Variants in DCAF1 observed in about 807,000 individuals in gnomAD.
DCAF1 encodes DDB1- and CUL4-associated factor 1.
DCAF1 carries 15 observed loss-of-function variants against 128.0 expected under a neutral mutation model. That is an observed-to-expected ratio of 0.12 (90% CI 0.08 to 0.18). DCAF1 has a LOEUF of 0.18. Among genes scored for constraint, DCAF1 ranks in the 10% least tolerant of loss-of-function variants. DCAF1 has a pLI of 1.00. For missense variants in DCAF1, 988 were observed against 1,649.5 expected, an observed-to-expected ratio of 0.60 and a Z score of 6.95; for synonymous variants, 610 against 603.0, an observed-to-expected ratio of 1.01 and a Z score of -0.17.
chr3:51,405,706 C>A (rs2090055118), intron 23 of DCAF1, among the ~76,000 whole-genome samples: 1 of 152,176 alleles, frequency 6.6e-6, no homozygotes, highest in African/African-American at 2.4e-5. Context: ...CAAGACTCAT[C>A]CAAAATGCTG....
At chr3:51,495,673 G>C (rs1473785230) in intron 2 of DCAF1, among the ~76,000 whole-genome samples, 1 of 150,572 alleles carries the variant, frequency 6.6e-6, no homozygotes, top group Non-Finnish European at 1.5e-5. Context: ...TGGGCAGATC[G>C]CTTGAGCCCA....
rs1553629534 is a variant in DCAF1, at chr3:51,414,053, G to A, written c.3838-10C>T. 2 of 1,589,062 alleles carry A rather than the reference G, an allele frequency of 1.3e-6. No homozygotes were observed. The highest frequency in any genetic ancestry group is 3.6e-5 in the Admixed American group (2 of 55,186). On this transcript the variant is annotated splice_polypyrimidine_tract_variant and intron_variant, in intron 19 of 24. Coordinates refer to ENST00000684031, the MANE Select transcript of DCAF1 (RefSeq NM_001387579.1). ...AAGTTCGAAGGTCCCACTAGGAGGG[G>A]AATGGTCAAGGAAAACTATTTTACA...
intron 13 of DCAF1, among the ~76,000 whole-genome samples, chr3:51,422,988 T>C (rs1476623633): frequency 3.3e-5 from 5 of 151,634 alleles, no homozygotes; most frequent in African/African-American, 1.2e-4. Context: ...GGATCACCTA[T>C]GCCCAGGAAG....
chr3:51,429,208 A>G, intron 12 of DCAF1, 53 bp downstream of exon 12: 1 of 717,152 alleles, frequency 1.4e-6, no homozygotes, highest in East Asian at 2.7e-5. Flanking sequence ...CAGGACTGAG[A>G]TGCTACAGAG....
At chr3:51,426,793 T>C (rs1553634148) in intron 13 of DCAF1, among the ~76,000 whole-genome samples, 1 of 152,100 alleles carries the variant, frequency 6.6e-6, no homozygotes, top group Non-Finnish European at 1.5e-5. Context: ...TATAAACTTT[T>C]TTACTATCTT....
At chr3:51,437,087 A>G (rs1271287255) in intron 9 of DCAF1, among the ~76,000 whole-genome samples, 2 of 151,782 alleles carry the variant, frequency 1.3e-5, no homozygotes, top group Non-Finnish European at 2.9e-5. Flanking sequence ...ATATGGTGAA[A>G]CCCTGTCTCC....
intron 7 of DCAF1, among the ~76,000 whole-genome samples, chr3:51,443,136 A>C (rs574708021): frequency 9.6e-4 from 146 of 152,320 alleles, no homozygotes; most frequent in African/African-American, 3.3e-3. Context: ...AAGTGTTCAC[A>C]ATCAATTTAG....
intron 1 of DCAF1, among the ~76,000 whole-genome samples, chr3:51,498,685 C>T (rs1044732257): frequency 1.3e-5 from 2 of 152,186 alleles, no homozygotes; most frequent in African/African-American, 4.8e-5. Context: ...CCCTACATTC[C>T]CCAAATTCTC....
intron 4 of DCAF1, among the ~76,000 whole-genome samples, chr3:51,468,645 G>C (rs1201265121): frequency 6.6e-6 from 1 of 151,954 alleles, no homozygotes; most frequent in African/African-American, 2.4e-5. Flanking sequence ...CAAAAAGAAA[G>C]AAACATCAGA....
chr3:51,416,739 A>C, intron 18 of DCAF1, 48 bp downstream of exon 18: 1 of 1,569,458 alleles, frequency 6.4e-7, no homozygotes, highest in Non-Finnish European at 8.7e-7. Context: ...TTTCAGTATG[A>C]ACAAATGGGT....
chr3:51,448,662 A>C (rs1702089039), intron 6 of DCAF1, among the ~76,000 whole-genome samples: 1 of 152,234 alleles, frequency 6.6e-6, no homozygotes, highest in Non-Finnish European at 1.5e-5. Context: ...GACTAAGTAC[A>C]TTCAAAATGT....
At chr3:51,461,432 G>C (rs1331602028) in intron 6 of DCAF1, among the ~76,000 whole-genome samples, 1 of 152,216 alleles carries the variant, frequency 6.6e-6, no homozygotes, top group South Asian at 2.1e-4. Context: ...GAGAGGATGC[G>C]GAGAAATAGG....
intron 6 of DCAF1, among the ~76,000 whole-genome samples, chr3:51,449,271 A>C (rs1702144850): frequency 6.6e-6 from 1 of 152,258 alleles, no homozygotes; most frequent in African/African-American, 2.4e-5. Flanking sequence ...GCAATGGCAC[A>C]ATCTTGGCTC....
chr3:51,499,563 C>T (rs1021270672), intron 1 of DCAF1, among the ~76,000 whole-genome samples: 13 of 152,074 alleles, frequency 8.5e-5, no homozygotes, highest in Admixed American at 2.0e-4. Flanking sequence ...ATGCGCCCCT[C>T]CTCCAGGTAG....
intron 6 of DCAF1, among the ~76,000 whole-genome samples, chr3:51,457,820 A>C (rs1259055374): frequency 6.6e-6 from 1 of 152,226 alleles, no homozygotes; most frequent in Non-Finnish European, 1.5e-5. Flanking sequence ...ACTACGCTTC[A>C]TAAGTGAAGG....
At chr3:51,470,074 A>G (rs2108196260) in intron 4 of DCAF1, among the ~76,000 whole-genome samples, 1 of 152,290 alleles carries the variant, frequency 6.6e-6, no homozygotes, top group Non-Finnish European at 1.5e-5. Flanking sequence ...TAACACGAGA[A>G]GGCATACTTT....
chr3:51,449,758 G>C (rs1455804243), intron 6 of DCAF1, among the ~76,000 whole-genome samples: 7 of 151,974 alleles, frequency 4.6e-5, no homozygotes, highest in African/African-American at 1.7e-4. Context: ...GGCAAGACAG[G>C]TCAAGAATAA....
At chr3:51,412,579 T>C (rs1212082188) in intron 22 of DCAF1, 99 bp from the exon 23 acceptor site, 2 of 1,545,578 alleles carry the variant, frequency 1.3e-6, no homozygotes, top group Non-Finnish European at 1.7e-6. Context: ...GACCCTGTAA[T>C]TATTAAAGCT....
downstream of DCAF1, chr3:51,397,417 C>T (rs2089273934): frequency 6.0e-6 from 1 of 167,114 alleles, no homozygotes; most frequent in Non-Finnish European, 1.5e-5. Context: ...GTCACAATCC[C>T]TTTCAGAAAA....
Sources: allele counts gnomAD v4.1 joint callset (sites outside exome capture counted in the v4.1 genomes callset), GRCh38; gene constraint gnomAD v4.1.1; transcripts MANE v1.5; gene names NCBI Gene and HGNC (gene_info 2026-07-23, HGNC 2026-07-21).